The following RAP1GAP2 variants were observed in gnomAD, a reference collection of about 807,000 sequenced individuals.
RAP1GAP2 encodes rap1 GTPase-activating protein 2.
RAP1GAP2 carries 27 observed loss-of-function variants against 95.0 expected under a neutral mutation model. The observed-to-expected ratio is 0.28, with a 90% CI of 0.21 to 0.39. The LOEUF (loss-of-function observed/expected upper bound fraction) is 0.39. Among genes scored for constraint, RAP1GAP2 ranks in the 10% least tolerant of loss-of-function variants. The pLI, the probability that RAP1GAP2 is intolerant of heterozygous loss-of-function variation, is 1.00. For synonymous variants in RAP1GAP2, 373 were observed against 380.9 expected (o/e 0.98, Z 0.24); for missense variants, 771 against 970.0 (o/e 0.79, Z 2.72).
At chr17:2,907,897 C>T (rs1285162137) in intron 3 of RAP1GAP2, among the ~76,000 whole-genome samples, 2 of 152,144 alleles carry the variant, frequency 1.3e-5, no homozygotes, top group African/African-American at 4.8e-5. Flanking sequence ...ACCTCCACCT[C>T]CTGGGTTCAA....
At chr17:2,819,179 C>T (rs375483643) in intron 2 of RAP1GAP2, among the ~76,000 whole-genome samples, 1 of 151,836 alleles carries the variant, frequency 6.6e-6, no homozygotes. Flanking sequence ...CTACCACACC[C>T]GGCTAATTTT....
chr17:2,896,562 G>A (rs1181127943), intron 2 of RAP1GAP2, among the ~76,000 whole-genome samples: 1 of 152,214 alleles, frequency 6.6e-6, no homozygotes, highest in Non-Finnish European at 1.5e-5. Flanking sequence ...TCTAAAAGCT[G>A]CTTGTGCGGT....
chr17:2,951,956 C>T (rs1011672372), intron 3 of RAP1GAP2, among the ~76,000 whole-genome samples: 1 of 152,040 alleles, frequency 6.6e-6, no homozygotes, highest in African/African-American at 2.4e-5. Flanking sequence ...ATCGCTTGAA[C>T]CCAGGAGGCG....
At chr17:2,796,098 C>T (rs1050755647), upstream of RAP1GAP2, among the ~76,000 whole-genome samples, 3 of 152,170 alleles carry the variant, frequency 2.0e-5, no homozygotes, top group Non-Finnish European at 4.4e-5. The surrounding 1 kb of genome is among the most constrained non-coding windows in gnomAD (Gnocchi z 4.7). Context: ...GTGAAGGTCC[C>T]CAGTGCTCAG....
rs1452521321 is a variant in RAP1GAP2, at chr17:3,026,355, T to C, written c.1871T>C (p.Phe624Ser). 3 of 1,550,558 alleles carry C rather than the reference T, an allele frequency of 1.9e-6. No individual in the cohort carries two copies. The South Asian group carries it at 3.6e-5, about 18-fold the overall frequency. Residue 624 changes from phenylalanine (F) to serine (S), a missense_variant, in exon 21 of 25, where the codon TTC becomes TCC. Phe to Ser is a radical substitution (Grantham distance 155). Transcript: ENST00000254695. ...TCACTTCCTATTCCCTGCAGGCCCT[T>C]CATGAAGTTGAAGGAAAACGGCCGT... ...PEICPNKEKP[F>S]MKLKENGRAI...
intron 2 of RAP1GAP2, among the ~76,000 whole-genome samples, chr17:2,803,793 C>T (rs1047554247): frequency 2.0e-4 from 30 of 152,274 alleles, no homozygotes; most frequent in East Asian, 5.8e-4. Flanking sequence ...GCAGGAGAGT[C>T]GCTTGAACCC....
chr17:2,955,828 G>C (rs1462068823), intron 3 of RAP1GAP2, among the ~76,000 whole-genome samples: 1 of 152,094 alleles, frequency 6.6e-6, no homozygotes, highest in Non-Finnish European at 1.5e-5. Flanking sequence ...ATAGTTTATA[G>C]TACTTGTATT....
In RAP1GAP2 at chr17:2,855,515, G is replaced by C. The variant is rs925049151; in HGVS notation, c.81-49769G>C. Reference sequence around the variant, plus strand: ...CATTTATTTTTAGGATTCTCTCCTGGTTAATGGCCAGTGGTACTGATGTTT... The same window carrying C: ...CATTTATTTTTAGGATTCTCTCCTGCTTAATGGCCAGTGGTACTGATGTTT... On this transcript the variant is annotated intron_variant, in intron 2 of 24. Coordinates refer to ENST00000254695, the MANE Select transcript of RAP1GAP2 (RefSeq NM_015085.5). The surrounding 1 kb of genome is among the most constrained non-coding windows in gnomAD (Gnocchi z 4.3). Among the ~76,000 whole-genome samples, 1 of 152,184 alleles carries C rather than the reference G, an allele frequency of 6.6e-6. No individual in the cohort carries two copies. The highest frequency in any genetic ancestry group is 3.2e-3 in the Middle Eastern group (1 of 316).
chr17:2,786,469 C>T (rs1381357731), intron 1 of RAP1GAP2, among the ~76,000 whole-genome samples: 4 of 152,210 alleles, frequency 2.6e-5, no homozygotes, highest in African/African-American at 4.8e-5. Flanking sequence ...GCGCAAACGC[C>T]CACCTTCTGG....
At chr17:2,864,979 A>G (rs2072565266) in intron 2 of RAP1GAP2, among the ~76,000 whole-genome samples, 1 of 152,058 alleles carries the variant, frequency 6.6e-6, no homozygotes, top group Non-Finnish European at 1.5e-5. Context: ...CACTTACCTC[A>G]TTTCATTCTC....
intron 8 of RAP1GAP2, among the ~76,000 whole-genome samples, chr17:2,977,678 G>T (rs1388060573): frequency 3.4e-5 from 5 of 148,840 alleles, no homozygotes; most frequent in African/African-American, 1.2e-4. Flanking sequence ...CCGGGAGGCA[G>T]AGGTTGCAGT....
chr17:2,870,639 G>A lies in RAP1GAP2; in HGVS notation c.81-34645G>A, dbSNP rs770572666. On this transcript the variant is annotated intron_variant, in intron 2 of 24. Coordinates refer to ENST00000254695, the MANE Select transcript of RAP1GAP2 (RefSeq NM_015085.5). The surrounding 1 kb of genome is among the most constrained non-coding windows in gnomAD (Gnocchi z 4.4). ...GTAATATACTTACATCTGCATCTAC[G>A]TCTGTTTCTCTGTATTGTAACAAAG... Among the ~76,000 whole-genome samples, 5 of 151,874 alleles carry A rather than the reference G, an allele frequency of 3.3e-5. No homozygotes were observed. The highest frequency in any genetic ancestry group is 7.4e-5 in the Non-Finnish European group (5 of 68,016).
intron 14 of RAP1GAP2, 50 bp downstream of exon 14, chr17:2,998,426 C>G (rs1187486992): frequency 6.3e-7 from 1 of 1,587,916 alleles, no homozygotes; most frequent in South Asian, 1.1e-5. Context: ...ACACCTCACC[C>G]TGTGTGGATG....
At position 3,005,195 on chromosome 17, in the gene RAP1GAP2, C is replaced by G; in HGVS notation, c.1201-174C>G. 2.9e-6 allele frequency: 2 copies of G among 700,864 alleles called. No homozygotes were observed. The highest frequency in any genetic ancestry group is 5.0e-6 in the Non-Finnish European group (2 of 396,126). 43.4% of individuals were successfully genotyped at this position (700,864 alleles called of 1,614,324 possible). A position where few individuals can be genotyped will look rare whatever the true frequency, so the allele number is the denominator to read the frequency against. On this transcript the variant is annotated intron_variant, in intron 14 of 24. Coordinates refer to ENST00000254695, the MANE Select transcript of RAP1GAP2 (RefSeq NM_015085.5). This position sits in a 1 kb window ranked among gnomAD's most constrained non-coding sequence, Gnocchi z 5.2. ...CGGATGGCCCCACACCGTCCGGCCC[C>G]ACTTCTAGGAACAGGGTCAGGGCCT...
chr17:2,832,883 G>A (rs990930149), intron 2 of RAP1GAP2, among the ~76,000 whole-genome samples: 3 of 151,788 alleles, frequency 2.0e-5, no homozygotes, highest in Non-Finnish European at 4.4e-5. Context: ...GGGGGCTGAG[G>A]CAGGAGACTT....
At chr17:2,882,549 C>T (rs8072729) in intron 2 of RAP1GAP2, among the ~76,000 whole-genome samples, 44,325 of 151,504 alleles carry the variant, frequency 0.29, 7,404 homozygotes, top group Admixed American at 0.42. Context: ...CCTGGCCTCC[C>T]AAAGTGCTGG....
At position 2,963,918 on chromosome 17, in the gene RAP1GAP2, C is replaced by T. The variant is rs779978689; in HGVS notation, c.342C>T (p.Ile114=). The T allele has an allele frequency of 5.6e-6, 9 of 1,613,274 alleles. No homozygotes were observed. Among genetic ancestry groups the T allele is most frequent in the Non-Finnish European group, 6.8e-6 (8 of 1,179,726 alleles). The change falls in exon 7 of 25, where the codon ATC becomes ATT. Residue 114 remains isoleucine, a synonymous_variant. Coordinates refer to ENST00000254695, the MANE Select transcript of RAP1GAP2 (RefSeq NM_015085.5). The surrounding 1 kb of genome is among the most constrained non-coding windows in gnomAD (Gnocchi z 4.8). ...VILPQFGGYW[I]EDPENVGTPT... ...TGCCACAGTTTGGGGGCTATTGGAT[C>T]GAGGACCCGGAGAACGTGGGCACCC...
At chr17:2,830,547 C>T (rs1261315812) in intron 2 of RAP1GAP2, among the ~76,000 whole-genome samples, 2 of 151,848 alleles carry the variant, frequency 1.3e-5, no homozygotes, top group African/African-American at 4.8e-5. Context: ...AACCCCGTCT[C>T]TACTAAAAAT....
At chr17:2,830,961 TCC>T (rs1172811752) in intron 2 of RAP1GAP2, among the ~76,000 whole-genome samples, 1 of 89,990 alleles carries the variant, frequency 1.1e-5, no homozygotes, top group Non-Finnish European at 2.3e-5. Context: ...TCCCCTCCCC[TCC>T]CCTTCCCTCC....
Sources: gnomAD v4.1 joint callset for allele counts (sites outside exome capture counted in the v4.1 genomes callset) on GRCh38, gnomAD v4.1.1 for gene constraint, Gnocchi (gnomAD v3.1) non-coding constraint, MANE v1.5 for transcripts, NCBI Gene and HGNC (gene_info 2026-07-23, HGNC 2026-07-21) for gene names.